Variants in ARID4B observed in about 807,000 individuals in gnomAD.
ARID4B encodes the protein AT-rich interaction domain 4B.
Under a neutral mutation model 147.5 loss-of-function variants are expected in ARID4B, and 26 were observed. The observed-to-expected ratio is 0.18, with a 90% confidence interval of 0.13 to 0.24. ARID4B has a LOEUF of 0.24. Among genes scored for constraint, ARID4B ranks in the 10% least tolerant of loss-of-function variants. The pLI is 1.00. For missense variants in ARID4B, 1,179 were observed against 1,511.5 expected, an observed-to-expected ratio of 0.78 and a Z score of 3.65; for synonymous variants, 512 against 507.9, an observed-to-expected ratio of 1.01 and a Z score of -0.11.
intron 2 of ARID4B, among the ~76,000 whole-genome samples, chr1:235,293,235 T>C (rs1432613557): frequency 2.0e-5 from 3 of 152,198 alleles, no homozygotes; most frequent in Non-Finnish European, 2.9e-5. Context: ...AAAAAATATA[T>C]GCTACTAGAG....
In ARID4B at chr1:235,302,276, G is replaced by GA. The variant is rs1375812190; in HGVS notation, c.6+24637_6+24638insT. ...AGGGGGAAGTGTAAAGGGAGGGAGG[G>GA]GAGGAAGGAAGGAAGGAAGGAAAAA... On this transcript the variant is annotated intron_variant, in intron 2 of 23. Coordinates refer to ENST00000264183, the MANE Select transcript of ARID4B (RefSeq NM_016374.6). 9.6e-3 allele frequency among the ~76,000 whole-genome samples: 1,337 copies of GA among 139,816 alleles called. 24 individuals carry two copies. Among genetic ancestry groups the GA allele is most frequent in the African/African-American group, 0.034 (1,262 of 36,796 alleles). 91.7% of individuals were successfully genotyped at this position (139,816 alleles called of 152,430 possible).
chr1:235,221,884 C>CTTTTTT (rs1370136402), intron 13 of ARID4B, among the ~76,000 whole-genome samples: 3 of 78,552 alleles, frequency 3.8e-5, no homozygotes, highest in African/African-American at 1.0e-4. Context: ...AGTCATTTGA[C>CTTTTTT]TATTTTTTTT....
intron 22 of ARID4B, among the ~76,000 whole-genome samples, chr1:235,174,977 G>A (rs564170851): frequency 5.3e-4 from 80 of 152,090 alleles, no homozygotes; most frequent in Non-Finnish European, 8.8e-4. Flanking sequence ...GTGGTGGCGC[G>A]TGCCTGTAAT....
rs1668894141 is a variant in ARID4B, at chr1:235,240,207, A to T, written c.585+106T>A. On this transcript the variant is annotated intron_variant, in intron 8 of 23. Coordinates refer to ENST00000264183, the MANE Select transcript of ARID4B (RefSeq NM_016374.6). ...CTTAGTGTGAACTAAATAATGCTAA[A>T]AACATTTCCTCATTTTGTACCTATG... is the stretch of plus-strand genomic sequence containing the variant. 2.8e-5 allele frequency: 30 copies of T among 1,059,906 alleles called. 1 individual carries two copies. The Admixed American group carries it at 8.3e-4, about 29-fold the overall frequency. 65.7% of individuals were successfully genotyped at this position (1,059,906 alleles called of 1,614,324 possible).
chr1:235,194,216 G>A lies in ARID4B; in HGVS notation c.1927-5C>T. The A allele has an allele frequency of 6.3e-7, 1 of 1,585,338 alleles. No homozygotes were observed. Among genetic ancestry groups the A allele is most frequent in the Non-Finnish European group, 8.6e-7 (1 of 1,156,394 alleles). On this transcript the variant is annotated splice_region_variant and splice_polypyrimidine_tract_variant and intron_variant, in intron 18 of 23. Transcript: ENST00000264183. ...TTTTTCTTTGTCTAATTTATTCTAGGTTAAGAAAAAAAGTATGTCGTAATT... is the reference window on the plus strand; with the variant it reads ...TTTTTCTTTGTCTAATTTATTCTAGATTAAGAAAAAAAGTATGTCGTAATT...
At chr1:235,176,551 A>C (rs959772682) in intron 21 of ARID4B, among the ~76,000 whole-genome samples, 1 of 151,722 alleles carries the variant, frequency 6.6e-6, no homozygotes, top group African/African-American at 2.4e-5. Flanking sequence ...AATTTTGGGA[A>C]TAAAGAAACT....
Position 235,172,625 on chromosome 1 carries a change from C to T in ARID4B, c.3804G>A (p.Glu1268=). The T allele has an allele frequency of 6.4e-7, 1 of 1,556,794 alleles. No homozygotes were observed. The highest frequency in any genetic ancestry group is 8.7e-7 in the Non-Finnish European group (1 of 1,155,750). The change falls in exon 23 of 24, where the codon GAG becomes GAA. Residue 1268 remains glutamate, a synonymous_variant. Transcript: ENST00000264183. ...TAAAGTAAAAATACTTACTTTCTCT[C>T]TCTTTCTTCTTTAAACGCTTTCTCC... ...DRRRKRLKKK[E]RESAATSSSS... is the part of the protein sequence containing the mutation.
At position 235,275,732 on chromosome 1, in the gene ARID4B, A is replaced by C. The variant is rs911586873; in HGVS notation, c.7-14980T>G. ...ATATCAAATACAGTTACAATTCCACAAACATTAATTGAGCACCCACAATGC... is the reference window on the plus strand; with the variant it reads ...ATATCAAATACAGTTACAATTCCACCAACATTAATTGAGCACCCACAATGC... On this transcript the variant is annotated intron_variant, in intron 2 of 23. Transcript: ENST00000264183. Among the ~76,000 whole-genome samples, 4 of 152,368 alleles carry C rather than the reference A, an allele frequency of 2.6e-5. No homozygotes were observed. The East Asian group carries it at 7.7e-4, about 29-fold the overall frequency.
chr1:235,204,918 C>CT (rs142987061), intron 17 of ARID4B, among the ~76,000 whole-genome samples: 6,025 of 152,126 alleles, frequency 0.04, 452 homozygotes, highest in African/African-American at 0.14. Context: ...GAATTATCAT[C>CT]TTTTTTTCAT....
At chr1:235,222,116 T>C (rs1291446888) in intron 13 of ARID4B, among the ~76,000 whole-genome samples, 2 of 152,008 alleles carry the variant, frequency 1.3e-5, no homozygotes, top group Non-Finnish European at 2.9e-5. Flanking sequence ...CTCACCATGT[T>C]GCCCAGGCGG....
intron 8 of ARID4B, among the ~76,000 whole-genome samples, chr1:235,238,859 G>GA (rs1297264415): frequency 6.6e-4 from 86 of 130,822 alleles, no homozygotes; most frequent in South Asian, 1.7e-3. Context: ...TGTCTCCGGG[G>GA]AAAAAAAAAA....
At chr1:235,179,713 T>G (rs528720819) in intron 20 of ARID4B, among the ~76,000 whole-genome samples, 71 of 152,074 alleles carry the variant, frequency 4.7e-4, no homozygotes, top group African/African-American at 1.3e-3. Context: ...CCTCTTTTTT[T>G]TTGTTGTTAA....
intron 2 of ARID4B, among the ~76,000 whole-genome samples, chr1:235,278,667 T>C (rs939635917): frequency 6.6e-6 from 1 of 152,212 alleles, no homozygotes; most frequent in Non-Finnish European, 1.5e-5. Context: ...GTATTTCTTA[T>C]GTTGATCTAC....
At chr1:235,247,720 G>C (rs1178744611) in intron 6 of ARID4B, among the ~76,000 whole-genome samples, 1 of 152,148 alleles carries the variant, frequency 6.6e-6, no homozygotes, top group African/African-American at 2.4e-5. Context: ...CGGGTGCAGT[G>C]ACTCACGCCT....
chr1:235,180,073 A>T (rs1664196784), intron 20 of ARID4B: 1 of 150,542 alleles, frequency 6.6e-6, no homozygotes, highest in Non-Finnish European at 1.5e-5. Context: ...CCATCTCAAA[A>T]AAAAAACCCC....
At chr1:235,204,622 C>T (rs1349308515) in intron 17 of ARID4B, among the ~76,000 whole-genome samples, 1 of 152,148 alleles carries the variant, frequency 6.6e-6, no homozygotes, top group African/African-American at 2.4e-5. Context: ...AATAAGAACA[C>T]TAATACAGCA....
intron 2 of ARID4B, among the ~76,000 whole-genome samples, chr1:235,315,392 C>T (rs928466684): frequency 3.3e-5 from 5 of 152,040 alleles, no homozygotes; most frequent in Admixed American, 2.0e-4. Context: ...ATTGCGCCAC[C>T]GCACTCCAAC....
intron 2 of ARID4B, among the ~76,000 whole-genome samples, chr1:235,316,854 A>C (rs747385281): frequency 2.0e-5 from 3 of 149,736 alleles, no homozygotes; most frequent in Non-Finnish European, 4.4e-5. Flanking sequence ...ACAGATATAC[A>C]TATACATACG....
chr1:235,258,862 T>G (rs11590729), intron 3 of ARID4B, among the ~76,000 whole-genome samples: 43,034 of 152,030 alleles, frequency 0.28, 7,470 homozygotes, highest in South Asian at 0.53. Context: ...AACACTAGAG[T>G]TTCACCTTTA....
Sources: allele counts gnomAD v4.1 joint callset (sites outside exome capture counted in the v4.1 genomes callset), GRCh38; gene constraint gnomAD v4.1.1; transcripts MANE v1.5; gene names NCBI Gene and HGNC (gene_info 2026-07-23, HGNC 2026-07-21).